The following DHPS variants were observed in gnomAD, a reference collection of about 807,000 sequenced individuals.
DHPS encodes deoxyhypusine synthase.
DHPS carries 24 observed loss-of-function variants against 38.7 expected under a neutral mutation model. The ratio of observed to expected loss-of-function variants is 0.62; its 90% CI spans 0.45 to 0.87. DHPS has a LOEUF of 0.87. Ranked by LOEUF, DHPS falls within the 40% of genes least tolerant of loss-of-function variation. DHPS has a pLI of 0.00. For missense variants in DHPS, 510 were observed against 497.6 expected (o/e 1.02, Z -0.24); for synonymous variants, 250 against 204.4 (o/e 1.22, Z -1.90).
downstream of DHPS, chr19:12,673,002 C>T (rs2024468850): frequency 6.2e-7 from 1 of 1,612,320 alleles, no homozygotes; most frequent in Non-Finnish European, 8.5e-7. Context: ...CCACCCTTCC[C>T]CCAAGGCCCC....
chr19:12,673,133 G>C (rs186525351), downstream of DHPS: 1 of 1,611,930 alleles, frequency 6.2e-7, no homozygotes, highest in Non-Finnish European at 8.5e-7. Flanking sequence ...CCTTGTGGTC[G>C]TGGGGATCCC....
downstream of DHPS, chr19:12,672,946 G>T (rs1421560440): frequency 1.9e-6 from 3 of 1,595,412 alleles, no homozygotes; most frequent in Non-Finnish European, 2.6e-6. Flanking sequence ...GGACAGGCAG[G>T]GAAGATGGGG....
intron 7 of DHPS, 170 bp downstream of exon 7, chr19:12,676,938 T>A: frequency 3.1e-6 from 2 of 636,370 alleles, no homozygotes; most frequent in Non-Finnish European, 5.6e-6. Context: ...CCCGTAGCAA[T>A]GACTGCCCCC....
At chr19:12,677,815 T>C (rs2024668994) in intron 5 of DHPS, among the ~76,000 whole-genome samples, 2 of 151,896 alleles carry the variant, frequency 1.3e-5, no homozygotes, top group Admixed American at 1.3e-4. Flanking sequence ...TTGCATTTTG[T>C]TTTTTTAGTA....
At chr19:12,672,668 G>A (rs1490167828), downstream of DHPS, 2 of 635,578 alleles carry the variant, frequency 3.1e-6, no homozygotes, top group Admixed American at 5.0e-5. Flanking sequence ...AGGGGGTGTG[G>A]GTCTTGGAAA....
downstream of DHPS, among the ~76,000 whole-genome samples, chr19:12,675,112 C>CA (rs370003481): frequency 0.04 from 5,850 of 144,782 alleles, 133 homozygotes; most frequent in Non-Finnish European, 0.046. Flanking sequence ...GACTCCATCT[C>CA]AAAAAAAAAC....
At chr19:12,675,098 G>A (rs2024533511), downstream of DHPS, among the ~76,000 whole-genome samples, 1 of 146,598 alleles carries the variant, frequency 6.8e-6, no homozygotes, top group Admixed American at 6.9e-5. Flanking sequence ...TGGCGACAGA[G>A]CAAGACTCCA....
At chr19:12,679,994 C>A in intron 2 of DHPS, 72 bp from the exon 3 acceptor site, 1 of 1,570,964 alleles carries the variant, frequency 6.4e-7, no homozygotes, top group Non-Finnish European at 8.6e-7. Context: ...AACTTCTAAC[C>A]TCATCCTTGT....
Position 12,681,664 on chromosome 19 carries a change from C to T in DHPS, c.103G>A (p.Asp35Asn). Residue 35 changes from aspartate (D) to asparagine (N), a missense_variant, in exon 1 of 9, where the codon GAC (aspartate) becomes AAC (asparagine). Coordinates refer to ENST00000210060, the MANE Select transcript of DHPS (RefSeq NM_001930.4). ...CGGTAATTCACACCGCGGTTGAAGT[C>T]GTAGCCCCGGACCTGGGTGCTTTCG... is the stretch of plus-strand genomic sequence containing the variant. The part of the protein sequence containing the change: ...PPESTQVRGY[D>N]FNRGVNYRAL... 1 of 1,614,216 alleles carries T rather than the reference C, an allele frequency of 6.2e-7. No homozygotes were observed.
At position 12,680,188 on chromosome 19, in the gene DHPS, G is replaced by A. The variant is rs539777818; in HGVS notation, c.345C>T (p.Thr115=). The A allele has an allele frequency of 1.1e-5, 18 of 1,614,180 alleles. No individual in the cohort carries two copies. The South Asian group carries it at 2.0e-4, about 18-fold the overall frequency. The part of the protein sequence containing the change: ...SNLISSGIRE[T]IRYLVQHNMV... ...TGTTGTGCTGCACAAGGTAGCGAAT[G>A]GTCTCACGGATGCCTGAACTGATGA... Residue 115 remains threonine, a synonymous_variant, in exon 2 of 9, where the codon ACC becomes ACT. Transcript: ENST00000210060.
chr19:12,675,243 A>G (rs1020522900), downstream of DHPS, among the ~76,000 whole-genome samples: 8 of 152,346 alleles, frequency 5.3e-5, no homozygotes, highest in African/African-American at 1.9e-4. Flanking sequence ...CCTGGGCAAC[A>G]TGGTAAGACC....
At chr19:12,681,218 C>T (rs2024799128) in intron 1 of DHPS, 1 of 1,238,334 alleles carries the variant, frequency 8.1e-7, no homozygotes, top group African/African-American at 1.6e-5. Flanking sequence ...AATTCAAGAA[C>T]CGCCCAGACT....
downstream of DHPS, chr19:12,672,480 T>C (rs552852096): frequency 3.6e-6 from 1 of 276,882 alleles, no homozygotes; most frequent in East Asian, 9.0e-5. Context: ...TGGTGGTGCA[T>C]GCCTGTATTC....
intron 2 of DHPS, 111 bp from the exon 3 acceptor site, chr19:12,680,033 A>C: frequency 6.4e-7 from 1 of 1,553,940 alleles, no homozygotes; most frequent in East Asian, 2.3e-5. Context: ...GAGCTCTGCT[A>C]CAAAACAAAA....
Position 12,675,780 on chromosome 19 carries a change from T to C in DHPS, c.*58A>G. On this transcript the variant is annotated 3_prime_UTR_variant, in exon 9 of 9. Transcript: ENST00000210060. ...GCTGACCAAAAAGTAGGGGAGGGGC[T>C]GGGTCTGCAAATTAATAAATAGAAG... The C allele has an allele frequency of 6.4e-7, 1 of 1,567,594 alleles. No individual in the cohort carries two copies. The highest frequency in any genetic ancestry group is 1.7e-4 in the Middle Eastern group (1 of 5,858).
chr19:12,677,020 G>A, intron 7 of DHPS, 88 bp downstream of exon 7: 1 of 1,262,786 alleles, frequency 7.9e-7, no homozygotes, highest in Non-Finnish European at 1.1e-6. Flanking sequence ...ATCCTGGCCT[G>A]TCTAGTTCAT....
At position 12,679,458 on chromosome 19, in the gene DHPS, T is replaced by C. The variant is rs866783035; in HGVS notation, c.677A>G (p.Lys226Arg). Residue 226 changes from lysine (K) to arginine (R), a missense_variant and splice_region_variant, in exon 5 of 9, where the codon AAG (lysine) becomes AGG (arginine). By Grantham distance (26) the Lys-to-Arg change is conservative. Coordinates refer to ENST00000210060, the MANE Select transcript of DHPS (RefSeq NM_001930.4). ...NPESVYYWAQ[K>R]NHIPVFSPAL... Reference sequence around the variant, plus strand: ...CTTTGCTCCCGCTTAGGTCCTCACCTTCTGGGCCCAGTAATACACGGACTC... The same window carrying C: ...CTTTGCTCCCGCTTAGGTCCTCACCCTCTGGGCCCAGTAATACACGGACTC... The C allele has an allele frequency of 1.9e-6, 3 of 1,614,192 alleles. No homozygotes were observed. The African/African-American group carries it at 4.0e-5, about 22-fold the overall frequency.
chr19:12,672,999 TCCC>T (rs1568314657), downstream of DHPS: 4 of 1,611,484 alleles, frequency 2.5e-6, no homozygotes, highest in Admixed American at 5.0e-5. Context: ...TACCCACCCT[TCCC>T]CCAAGGCCCC....
In DHPS at chr19:12,677,284, G is replaced by C. The variant is rs376157066; in HGVS notation, c.784+7C>G. On this transcript the variant is annotated splice_region_variant and intron_variant, in intron 6 of 8. Coordinates refer to ENST00000210060, the MANE Select transcript of DHPS (RefSeq NM_001930.4). ...TTCCCCTCTCCTCTGTGGCCCTAGCGCCTCACCCTCAACGATGTCCAGGAC... is the reference window on the plus strand; with the variant it reads ...TTCCCCTCTCCTCTGTGGCCCTAGCCCCTCACCCTCAACGATGTCCAGGAC... 3 of 1,614,056 alleles carry C rather than the reference G, an allele frequency of 1.9e-6. No homozygotes were observed. In the East Asian group the frequency reaches 6.7e-5, roughly 36 times the overall value.
Sources: allele counts gnomAD v4.1 joint callset (sites outside exome capture counted in the v4.1 genomes callset), GRCh38; gene constraint gnomAD v4.1.1; transcripts MANE v1.5; gene names NCBI Gene and HGNC (gene_info 2026-07-23, HGNC 2026-07-21).